GALNT16: variants seen among roughly 807,000 people sequenced by gnomAD.
GALNT16 encodes the protein polypeptide N-acetylgalactosaminyltransferase 16.
GALNT16 carries 40 observed loss-of-function variants against 76.1 expected under a neutral mutation model. The ratio of observed to expected loss-of-function variants is 0.53; its 90% CI spans 0.41 to 0.68. The LOEUF (loss-of-function observed/expected upper bound fraction) is 0.68, where lower values mean the gene tolerates loss of function less well. GALNT16 is among the 30% of genes least tolerant of loss of function. The pLI is 0.00. For missense variants in GALNT16, 621 were observed against 731.9 expected (o/e 0.85, Z 1.75); for synonymous variants, 276 against 285.2 (o/e 0.97, Z 0.32).
In GALNT16 at chr14:69,346,683, G is replaced by C. The variant is rs141548496; in HGVS notation, c.1272-357G>C. On this transcript the variant is annotated intron_variant, in intron 12 of 14. Coordinates refer to ENST00000448469, the MANE Select transcript of GALNT16 (RefSeq NM_001168368.2). ...CTCCCTTCCCTGTCATTTTGGGATT[G>C]ATTATTGAGCATGCATTTTGGCCCC... Among the ~76,000 whole-genome samples, 127 of 152,314 alleles carry C rather than the reference G, an allele frequency of 8.3e-4. 1 individual carries two copies. The highest frequency in any genetic ancestry group is 2.9e-3 in the African/African-American group (122 of 41,562).
the GALNT16 span, among the ~76,000 whole-genome samples, chr14:69,370,340 T>C: frequency 6.6e-6 from 1 of 152,104 alleles, no homozygotes; most frequent in African/African-American, 2.4e-5. Flanking sequence ...TAATGCATCA[T>C]TCCCTCTTCT....
chr14:69,283,221 G>T (rs542229687), intron 1 of GALNT16, among the ~76,000 whole-genome samples: 5 of 152,298 alleles, frequency 3.3e-5, no homozygotes, highest in Non-Finnish European at 5.9e-5. Flanking sequence ...GGACACATTA[G>T]TACGATCCAC....
intron 1 of GALNT16, among the ~76,000 whole-genome samples, chr14:69,315,542 C>T (rs554312348): frequency 5.3e-5 from 8 of 152,322 alleles, no homozygotes; most frequent in South Asian, 2.1e-4. Flanking sequence ...GCCTGAACAC[C>T]GCCCTGCCTG....
the GALNT16 span, among the ~76,000 whole-genome samples, chr14:69,381,365 A>C: frequency 1.5e-4 from 23 of 152,232 alleles, no homozygotes; most frequent in Non-Finnish European, 3.1e-4. Context: ...GGCAACAAAG[A>C]TTTCTTGCTA....
intron 1 of GALNT16, among the ~76,000 whole-genome samples, chr14:69,287,912 C>T (rs923735042): frequency 9.2e-5 from 14 of 152,200 alleles, no homozygotes; most frequent in Non-Finnish European, 1.5e-4. Context: ...TATTTGGTGA[C>T]TAATTCTGAG....
intron 1 of GALNT16, among the ~76,000 whole-genome samples, chr14:69,299,572 C>T (rs895361519): frequency 7.2e-5 from 11 of 152,130 alleles, no homozygotes; most frequent in African/African-American, 2.7e-4. Flanking sequence ...GGAGGCATTA[C>T]CTTGAGTCTT....
At chr14:69,303,175 C>T (rs1358309488) in intron 1 of GALNT16, among the ~76,000 whole-genome samples, 1 of 152,162 alleles carries the variant, frequency 6.6e-6, no homozygotes, top group South Asian at 2.1e-4. Context: ...GTACCTTCCA[C>T]AGCTGTATGT....
chr14:69,369,633 G>A, the GALNT16 span, among the ~76,000 whole-genome samples: 1 of 152,156 alleles, frequency 6.6e-6, no homozygotes, highest in South Asian at 2.1e-4. Flanking sequence ...CTCTGTCCAC[G>A]TTACCTACAG....
At chr14:69,309,885 A>G (rs891532936) in intron 1 of GALNT16, among the ~76,000 whole-genome samples, 3 of 152,114 alleles carry the variant, frequency 2.0e-5, no homozygotes, top group South Asian at 2.1e-4. Flanking sequence ...AAAGTGACCA[A>G]TTTTTTTCTT....
At chr14:69,338,242 G>C (rs2045437486) in intron 9 of GALNT16, among the ~76,000 whole-genome samples, 1 of 152,224 alleles carries the variant, frequency 6.6e-6, no homozygotes, top group African/African-American at 2.4e-5. Context: ...TTGGTGGCTG[G>C]TTTTCCGACC....
chr14:69,324,067 A>G (rs2045241861), intron 2 of GALNT16, among the ~76,000 whole-genome samples: 1 of 151,910 alleles, frequency 6.6e-6, no homozygotes, highest in Non-Finnish European at 1.5e-5. Flanking sequence ...CTGGGGAGGG[A>G]GGAAGTGACG....
intron 1 of GALNT16, among the ~76,000 whole-genome samples, chr14:69,288,793 T>C (rs924865722): frequency 3.3e-5 from 5 of 152,044 alleles, no homozygotes; most frequent in African/African-American, 1.2e-4. Context: ...AACCAACACC[T>C]GGAGAATGAG....
intron 1 of GALNT16, among the ~76,000 whole-genome samples, chr14:69,308,790 C>T (rs2140148258): frequency 6.6e-6 from 1 of 152,312 alleles, no homozygotes; most frequent in Non-Finnish European, 1.5e-5. Context: ...AGAAATGAAA[C>T]TTCTGCTAAG....
At chr14:69,340,446 A>C (rs185663458) in intron 11 of GALNT16, among the ~76,000 whole-genome samples, 102 of 152,020 alleles carry the variant, frequency 6.7e-4, no homozygotes, top group African/African-American at 2.4e-3. Flanking sequence ...GTGGTACTCG[A>C]TGCGTGGCGA....
At chr14:69,380,482 G>T in the GALNT16 span, 2 of 971,448 alleles carry the variant, frequency 2.1e-6, no homozygotes, top group East Asian at 2.4e-5. Context: ...ACTACAGCAC[G>T]CTGTACACAC....
chr14:69,302,353 G>C (rs1360670859), intron 1 of GALNT16, among the ~76,000 whole-genome samples: 1 of 152,050 alleles, frequency 6.6e-6, no homozygotes, highest in African/African-American at 2.4e-5. Context: ...CAGTGTGTTT[G>C]ATGTCTGTCT....
chr14:69,270,953 G>A (rs913933160), intron 1 of GALNT16, among the ~76,000 whole-genome samples: 1 of 63,724 alleles, frequency 1.6e-5, no homozygotes, highest in Non-Finnish European at 2.4e-5. Context: ...CTAGAGGCCG[G>A]ATGAAGGAGA....
chr14:69,262,865 A>G (rs1458978054), intron 1 of GALNT16, among the ~76,000 whole-genome samples: 1 of 144,732 alleles, frequency 6.9e-6, no homozygotes, highest in Admixed American at 7.2e-5. Context: ...TGATGCACAC[A>G]GCAAGATTTC....
At chr14:69,327,196 C>T (rs188256568) in intron 5 of GALNT16, among the ~76,000 whole-genome samples, 13 of 152,218 alleles carry the variant, frequency 8.5e-5, no homozygotes, top group African/African-American at 2.2e-4. Flanking sequence ...ACTAAAAATA[C>T]GAAAATATCT....
Sources: allele counts gnomAD v4.1 joint callset (sites outside exome capture counted in the v4.1 genomes callset), GRCh38; gene constraint gnomAD v4.1.1; transcripts MANE v1.5; gene names NCBI Gene and HGNC (gene_info 2026-07-23, HGNC 2026-07-21).